The following NCAPD3 variants were observed in gnomAD, a reference collection of about 807,000 sequenced individuals.
NCAPD3 encodes the protein condensin-2 complex subunit D3.
In NCAPD3, 105 loss-of-function variants were observed where a neutral mutation model predicts 182.9. That is an observed-to-expected ratio of 0.57 (90% CI 0.49 to 0.68). NCAPD3 has a LOEUF of 0.68. Among genes scored for constraint, NCAPD3 ranks in the 30% least tolerant of loss-of-function variants. The pLI is 0.00. For missense variants in NCAPD3, 1,944 were observed against 1,837.0 expected, an observed-to-expected ratio of 1.06 and a Z score of -1.07; for synonymous variants, 815 against 679.9, an observed-to-expected ratio of 1.20 and a Z score of -3.09.
chr11:134,154,734 G>A (rs1943371486), intron 32 of NCAPD3, among the ~76,000 whole-genome samples: 1 of 152,240 alleles, frequency 6.6e-6, no homozygotes, highest in African/African-American at 2.4e-5. Flanking sequence ...CCTTCTGCAA[G>A]CACATGCGAG....
At position 134,150,766 on chromosome 11, in the gene NCAPD3, C is replaced by T. The variant is rs1483325726; in HGVS notation, c.*2178G>A. Reference sequence around the variant, plus strand: ...AAATGGATCCCACTGTTCCTCTTTGCCACAGAGAAAGCACCCAGACGCCAC... The same window carrying T: ...AAATGGATCCCACTGTTCCTCTTTGTCACAGAGAAAGCACCCAGACGCCAC... On this transcript the variant is annotated 3_prime_UTR_variant, in exon 35 of 35. Coordinates refer to ENST00000534548, the MANE Select transcript of NCAPD3 (RefSeq NM_015261.3). 1 of 152,076 alleles carries T rather than the reference C, an allele frequency of 6.6e-6. No homozygotes were observed. Among genetic ancestry groups the T allele is most frequent in the African/African-American group, 2.4e-5 (1 of 41,394 alleles). 9.4% of individuals were successfully genotyped at this position (152,076 alleles called of 1,614,324 possible). A position where few individuals can be genotyped will look rare whatever the true frequency, so the allele number is the denominator to read the frequency against.
At chr11:134,217,738 C>CA (rs1050563497) in intron 2 of NCAPD3, among the ~76,000 whole-genome samples, 3 of 151,968 alleles carry the variant, frequency 2.0e-5, no homozygotes, top group African/African-American at 7.3e-5. Flanking sequence ...AGTATCGTAA[C>CA]AAAAAAAGGC....
rs1034385126 is a variant in NCAPD3 at position 134,183,093 on chromosome 11, G to A, written c.2451+1544C>T. ...TAATGGCCCTGGGCCAGCAGCAAGC[G>A]GCAGATGACTTCCTAGGCCCTGACT... On this transcript the variant is annotated intron_variant, in intron 19 of 34. Coordinates refer to ENST00000534548, the MANE Select transcript of NCAPD3 (RefSeq NM_015261.3). 23 of 456,094 alleles carry A rather than the reference G, an allele frequency of 5.0e-5. No individual in the cohort carries two copies. The East Asian group carries it at 6.3e-4, about 12-fold the overall frequency. The allele number at this position is 456,094 out of a possible 1,614,324, so 28.3% of individuals were successfully genotyped here. A position where few individuals can be genotyped will look rare whatever the true frequency, so the allele number is the denominator to read the frequency against.
chr11:134,225,461 T>C (rs1938436166), upstream of NCAPD3: 4 of 1,036,320 alleles, frequency 3.9e-6, no homozygotes, highest in Middle Eastern at 2.0e-4. Context: ...AACTGCAGTC[T>C]GAGGCCTGGG....
rs1943280790 is a variant in NCAPD3, at chr11:134,152,603, A to G, written c.*341T>C. On this transcript the variant is annotated 3_prime_UTR_variant, in exon 35 of 35. Coordinates refer to ENST00000534548, the MANE Select transcript of NCAPD3 (RefSeq NM_015261.3). ...ATTCAAGTTAACAGAGGCTTGATTTATATAAAAGAAAGCTGCAGTTTTAAA... is the reference window on the plus strand; with the variant it reads ...ATTCAAGTTAACAGAGGCTTGATTTGTATAAAAGAAAGCTGCAGTTTTAAA... 1 of 194,540 alleles carries G rather than the reference A, an allele frequency of 5.1e-6. No homozygotes were observed. The highest frequency in any genetic ancestry group is 1.2e-4 in the East Asian group (1 of 8,058). The allele number at this position is 194,540 out of a possible 1,614,324, so 12.1% of individuals were successfully genotyped here. A position where few individuals can be genotyped will look rare whatever the true frequency, so the allele number is the denominator to read the frequency against.
At chr11:134,202,929 T>C in intron 12 of NCAPD3, 24 bp from the exon 13 acceptor site, 1 of 1,548,322 alleles carries the variant, frequency 6.5e-7, no homozygotes, top group Non-Finnish European at 8.8e-7. Context: ...ATTACAGTCA[T>C]TAAGCTAAAA....
chr11:134,165,842 C>CACTA (rs1565524482), intron 27 of NCAPD3, among the ~76,000 whole-genome samples: 60 of 121,920 alleles, frequency 4.9e-4, no homozygotes, highest in African/African-American at 5.1e-4. Context: ...GGCGCACACT[C>CACTA]GTGAGATGAG....
Position 134,204,229 on chromosome 11 carries a change from A to G in NCAPD3, c.1090-58T>C. On this transcript the variant is annotated intron_variant, in intron 9 of 34. Coordinates refer to ENST00000534548, the MANE Select transcript of NCAPD3 (RefSeq NM_015261.3). This position sits in a 1 kb window ranked among gnomAD's most constrained non-coding sequence, Gnocchi z 4.3. ...TATCCACCCGCAGGATGGCTGAAACATATTCTGTAATATAAGTTGAAAGTC... is the reference window on the plus strand; with the variant it reads ...TATCCACCCGCAGGATGGCTGAAACGTATTCTGTAATATAAGTTGAAAGTC... 6.4e-7 allele frequency: 1 copy of G among 1,572,810 alleles called. No individual in the cohort carries two copies. The highest frequency in any genetic ancestry group is 8.7e-7 in the Non-Finnish European group (1 of 1,154,514).
chr11:134,188,577 C>G (rs1391521254), intron 16 of NCAPD3, among the ~76,000 whole-genome samples: 1 of 152,148 alleles, frequency 6.6e-6, no homozygotes, highest in East Asian at 1.9e-4. Context: ...AGATGACAAA[C>G]CCACCAGGAG....
chr11:134,196,345 A>G (rs1167814992), intron 13 of NCAPD3, among the ~76,000 whole-genome samples: 1 of 152,204 alleles, frequency 6.6e-6, no homozygotes, highest in Non-Finnish European at 1.5e-5. Flanking sequence ...TGTAACGAGT[A>G]AAGAAACTAA....
chr11:134,164,517 G>A (rs930354274), intron 27 of NCAPD3, among the ~76,000 whole-genome samples: 1 of 152,130 alleles, frequency 6.6e-6, no homozygotes. Flanking sequence ...GAACACGGAA[G>A]CCAGTAGATG....
chr11:134,223,665 C>T (rs1591872088), intron 1 of NCAPD3, among the ~76,000 whole-genome samples, 198 bp downstream of exon 1: 1 of 152,220 alleles, frequency 6.6e-6, no homozygotes, highest in East Asian at 1.9e-4. Flanking sequence ...CTAAGGGTGG[C>T]CTGGCCGGCT....
intron 3 of NCAPD3, among the ~76,000 whole-genome samples, chr11:134,213,479 G>A (rs886446043): frequency 4.6e-5 from 7 of 151,736 alleles, no homozygotes; most frequent in African/African-American, 7.3e-5. Context: ...TACCATATCC[G>A]GCTAATTTTT....
Position 134,184,994 on chromosome 11 carries a change from C to T in NCAPD3, c.2244G>A (p.Gln748=). The T allele has an allele frequency of 6.2e-7, 1 of 1,610,682 alleles. No homozygotes were observed. The highest frequency in any genetic ancestry group is 8.5e-7 in the Non-Finnish European group (1 of 1,176,966). Residue 748 remains glutamine, a synonymous_variant, in exon 18 of 35, where the codon CAG becomes CAA. Transcript: ENST00000534548. ...GTCCTAAGGTGTTTGAATTGGGATT[C>T]TGCTGACTAGAGAAAGGGCAGGAGG... ...IQSWEKISSQ[Q]NPNSNTLGHI...
Position 134,223,879 on chromosome 11 carries a change from C to A in NCAPD3, c.48G>T (p.Pro16=). 1 of 1,612,754 alleles carries A rather than the reference C, an allele frequency of 6.2e-7. No individual in the cohort carries two copies. The highest frequency in any genetic ancestry group is 8.5e-7 in the Non-Finnish European group (1 of 1,179,834). Residue 16 remains proline (P), a synonymous_variant, in exon 1 of 35, where the codon CCG becomes CCT. Transcript: ENST00000534548. ...TCTGCTCACCGAGTCTAAGATCCAG[C>A]GGACACCAGGGCTGCAGGCCGCTAC... ...GLGSGLQPWC[P]LDLRLEWVDT...
intron 15 of NCAPD3, among the ~76,000 whole-genome samples, chr11:134,193,556 C>T (rs1238595232): frequency 1.3e-5 from 2 of 152,212 alleles, no homozygotes; most frequent in African/African-American, 4.8e-5. Flanking sequence ...AGTTCAAGAC[C>T]AGCCTGGCCA....
intron 16 of NCAPD3, among the ~76,000 whole-genome samples, chr11:134,189,567 G>A (rs895765397): frequency 1.3e-5 from 2 of 152,024 alleles, no homozygotes; most frequent in South Asian, 2.1e-4. Context: ...CTTTTTTGAG[G>A]TTTTCCTCTA....
intron 32 of NCAPD3, among the ~76,000 whole-genome samples, chr11:134,154,968 GACAC>G (rs984059236): frequency 6.6e-5 from 10 of 152,200 alleles, no homozygotes; most frequent in Middle Eastern, 3.4e-3. Flanking sequence ...TTCCCTTCCT[GACAC>G]ACACACTGCT....
intron 32 of NCAPD3, 56 bp from the exon 33 acceptor site, chr11:134,153,419 T>C (rs1943320717): frequency 6.4e-7 from 1 of 1,561,084 alleles, no homozygotes; most frequent in African/African-American, 1.4e-5. Flanking sequence ...CGGAGGTCTC[T>C]GTTCTAGTTG....
Sources: allele counts gnomAD v4.1 joint callset (sites outside exome capture counted in the v4.1 genomes callset), GRCh38; gene constraint gnomAD v4.1.1; non-coding constraint Gnocchi (gnomAD v3.1); transcripts MANE v1.5; gene names NCBI Gene and HGNC (gene_info 2026-07-23, HGNC 2026-07-21).